Variants in USH2A observed in about 807,000 individuals in gnomAD.
The protein encoded by USH2A is usherin, also known as Usher syndrome 2A (autosomal recessive, mild).
A neutral mutation model predicts 538.9 loss-of-function variants in USH2A; 443 were observed. That is an observed-to-expected ratio of 0.82 (90% CI 0.76 to 0.89). USH2A has a LOEUF of 0.89. USH2A is among the 40% of genes least tolerant of loss of function. USH2A has a pLI of 0.00. For synonymous variants in USH2A, 2,413 were observed against 2,273.5 expected, an observed-to-expected ratio of 1.06 and a Z score of -1.75; for missense variants, 6,633 against 6,324.8, an observed-to-expected ratio of 1.05 and a Z score of -1.65.
In USH2A at chr1:215,888,546, C is replaced by T. The variant is rs1184939294; in HGVS notation, c.8103G>A (p.Leu2701=). ...TTGTGCCTCCATGAAGAGTGCTCAT[C>T]AGTACCCGATATTCATATTTTGTCC... ...SPWTKYEYRV[L]MSTLHGGTNS... Residue 2701 remains leucine, a synonymous_variant, in exon 41 of 72, where the codon CTG becomes CTA. Transcript: ENST00000307340. The T allele has an allele frequency of 6.2e-7, 1 of 1,614,152 alleles. No individual in the cohort carries two copies. Among genetic ancestry groups the T allele is most frequent in the Admixed American group, 1.7e-5 (1 of 60,022 alleles).
chr1:216,250,948 A>C lies in USH2A; in HGVS notation c.2122T>G (p.Cys708Gly), dbSNP rs1228495482. 1.2e-6 allele frequency: 2 copies of C among 1,614,054 alleles called. No homozygotes were observed. Among genetic ancestry groups the C allele is most frequent in the South Asian group, 2.2e-5 (2 of 91,084 alleles). ...TSGTVDGDIT[C>G]HQNSGQCKCK... ...TTGCACTGGCCTGAATTTTGGTGAC[A>C]GGTAATATCTCCATCCACTGTCCCA... Residue 708 changes from cysteine to glycine, a missense_variant, in exon 12 of 72, where the codon TGT (cysteine) becomes GGT (glycine). Transcript: ENST00000307340.
intron 15 of USH2A, among the ~76,000 whole-genome samples, chr1:216,207,773 G>T (rs1206770990): frequency 7.1e-6 from 1 of 141,154 alleles, no homozygotes; most frequent in Non-Finnish European, 1.5e-5. Flanking sequence ...TTTTTACATA[G>T]TTAATTTAAA....
At chr1:216,136,979 A>C (rs760956116) in intron 21 of USH2A, among the ~76,000 whole-genome samples, 1 of 152,202 alleles carries the variant, frequency 6.6e-6, no homozygotes, top group Non-Finnish European at 1.5e-5. Context: ...TACCTGATGC[A>C]GTCATGCCAG....
intron 35 of USH2A, among the ~76,000 whole-genome samples, chr1:215,979,722 G>T (rs866951874): frequency 6.6e-6 from 1 of 151,932 alleles, no homozygotes; most frequent in East Asian, 1.9e-4. Flanking sequence ...AAAAAAACTT[G>T]TGACACTTAG....
chr1:215,932,022 TA>T (rs1312003117), intron 38 of USH2A, among the ~76,000 whole-genome samples: 1 of 151,946 alleles, frequency 6.6e-6, no homozygotes, highest in Non-Finnish European at 1.5e-5. Flanking sequence ...TTTGATGAAG[TA>T]AAAAAGAGCA....
intron 16 of USH2A, among the ~76,000 whole-genome samples, chr1:216,203,143 C>G (rs1028399263): frequency 6.6e-6 from 1 of 152,018 alleles, no homozygotes; most frequent in African/African-American, 2.4e-5. Flanking sequence ...CTCTTATCCA[C>G]AGGAGATACA....
At chr1:216,228,395 T>C (rs977164340) in intron 14 of USH2A, among the ~76,000 whole-genome samples, 1 of 152,080 alleles carries the variant, frequency 6.6e-6, no homozygotes, top group African/African-American at 2.4e-5. Flanking sequence ...GGGATTGATA[T>C]GGTTTGGCTG....
At chr1:216,346,147 A>T (rs1315755728) in intron 4 of USH2A, among the ~76,000 whole-genome samples, 1 of 152,100 alleles carries the variant, frequency 6.6e-6, no homozygotes, top group Non-Finnish European at 1.5e-5. Context: ...GTTACCTTTG[A>T]TAAAGTTCAA....
intron 11 of USH2A, among the ~76,000 whole-genome samples, chr1:216,252,446 A>C (rs1424479139): frequency 6.6e-6 from 1 of 152,206 alleles, no homozygotes; most frequent in Non-Finnish European, 1.5e-5. Flanking sequence ...TTTAATTTCA[A>C]GGATATTTAA....
At chr1:216,144,915 G>C (rs2033665964) in intron 21 of USH2A, among the ~76,000 whole-genome samples, 1 of 152,060 alleles carries the variant, frequency 6.6e-6, no homozygotes, top group Non-Finnish European at 1.5e-5. Flanking sequence ...ATCTCTGGTT[G>C]CATATTCACA....
intron 9 of USH2A, among the ~76,000 whole-genome samples, chr1:216,311,659 T>A (rs1452342466): frequency 6.6e-6 from 1 of 152,044 alleles, no homozygotes. Context: ...GCGGAAGAGT[T>A]AACATCCAGA....
At chr1:215,934,465 G>A in intron 38 of USH2A, 151 bp downstream of exon 38, 1 of 831,702 alleles carries the variant, frequency 1.2e-6, no homozygotes, top group Non-Finnish European at 1.8e-6. Flanking sequence ...AATAAACAAA[G>A]CAAAACAACA....
chr1:215,850,456 C>A (rs958835357), intron 44 of USH2A, among the ~76,000 whole-genome samples: 2 of 152,048 alleles, frequency 1.3e-5, no homozygotes, highest in Non-Finnish European at 2.9e-5. Context: ...TGTGAAGGAG[C>A]AATTGGCCGT....
chr1:215,883,343 CT>C (rs1664966609), intron 41 of USH2A, among the ~76,000 whole-genome samples: 1 of 151,588 alleles, frequency 6.6e-6, no homozygotes, highest in Non-Finnish European at 1.5e-5. Flanking sequence ...CCAGATCTAT[CT>C]TTTGGATGTT....
At chr1:216,222,318 T>C (rs1191157746) in intron 14 of USH2A, among the ~76,000 whole-genome samples, 1 of 152,162 alleles carries the variant, frequency 6.6e-6, no homozygotes, top group East Asian at 1.9e-4. Context: ...AGAAAATATG[T>C]AAAGAATTAA....
At chr1:216,282,239 A>G (rs1292136695) in intron 11 of USH2A, among the ~76,000 whole-genome samples, 1 of 152,096 alleles carries the variant, frequency 6.6e-6, no homozygotes, top group Non-Finnish European at 1.5e-5. Flanking sequence ...ATGAAGTCCA[A>G]CTTACACATT....
chr1:215,758,820 T>G, intron 57 of USH2A, 68 bp from the exon 58 acceptor site: 1 of 1,541,376 alleles, frequency 6.5e-7, no homozygotes, highest in Non-Finnish European at 8.9e-7. Context: ...TGATTACTAG[T>G]TTTTGTATCA....
intron 64 of USH2A, among the ~76,000 whole-genome samples, chr1:215,653,673 T>A (rs1295101250): frequency 6.6e-6 from 1 of 152,244 alleles, no homozygotes; most frequent in Non-Finnish European, 1.5e-5. Flanking sequence ...TGTCTCTCTG[T>A]CTTTGTCTCT....
Position 215,674,481 on chromosome 1 carries a change from T to A in USH2A, c.13430A>T (p.Tyr4477Phe). Residue 4477 changes from tyrosine (Y) to phenylalanine (F), a missense_variant, in exon 63 of 72, where the codon TAT becomes TTT. By Grantham distance (22) the Tyr-to-Phe change is conservative. Coordinates refer to ENST00000307340, the MANE Select transcript of USH2A (RefSeq NM_206933.4). ...PRNPNGQIRS[Y>F]ELRRDGTIVY... Reference sequence around the variant, plus strand: ...AATGGTTCCATCCCTCCTAAGTTCATAACTTCTGATCTGGCCATTTGGGTT... The same window carrying A: ...AATGGTTCCATCCCTCCTAAGTTCAAAACTTCTGATCTGGCCATTTGGGTT... The A allele has an allele frequency of 2.5e-6, 4 of 1,614,190 alleles. No homozygotes were observed. Among genetic ancestry groups the A allele is most frequent in the Non-Finnish European group, 3.4e-6 (4 of 1,180,024 alleles).
Sources: allele counts gnomAD v4.1 joint callset (sites outside exome capture counted in the v4.1 genomes callset), GRCh38; gene constraint gnomAD v4.1.1; transcripts MANE v1.5; gene names NCBI Gene and HGNC (gene_info 2026-07-23, HGNC 2026-07-21).